ZNF254: variants seen among roughly 807,000 people sequenced by gnomAD.
The protein encoded by ZNF254 is zinc finger protein 254, also known as CTD-2017D11.1.
In ZNF254, 10 loss-of-function variants were observed where a neutral mutation model predicts 12.4. The observed-to-expected ratio is 0.80, with a 90% CI of 0.50 to 1.36. ZNF254 has a LOEUF of 1.36. Ranked by LOEUF, ZNF254 falls within the 40% of genes most tolerant of loss-of-function variation. The pLI is 0.00. For synonymous variants in ZNF254, 305 were observed against 253.4 expected, an observed-to-expected ratio of 1.20 and a Z score of -1.93; for missense variants, 996 against 763.9, an observed-to-expected ratio of 1.30 and a Z score of -3.58.
At position 24,087,262 on chromosome 19, in the gene ZNF254, C is replaced by T. The variant is rs1019710133; in HGVS notation, c.-46C>T. ...GTGTCCTCTGCTCCTAGAGGCCCAG[C>T]CTCTGTGGCGCTGTTACCAGCAGGT... On this transcript the variant is annotated 5_prime_UTR_variant, in exon 1 of 4. Coordinates refer to ENST00000357002, the MANE Select transcript of ZNF254 (RefSeq NM_203282.4). 1.2e-6 allele frequency: 2 copies of T among 1,612,132 alleles called. No individual in the cohort carries two copies. Among genetic ancestry groups the T allele is most frequent in the Non-Finnish European group, 8.5e-7 (1 of 1,178,862 alleles).
At chr19:24,055,765 A>G (rs1970829260) in intron 2 of ZNF254, among the ~76,000 whole-genome samples, 1 of 152,210 alleles carries the variant, frequency 6.6e-6, no homozygotes, top group Non-Finnish European at 1.5e-5. Flanking sequence ...CAGCATGCGT[A>G]TGAGGCTGTG....
intron 2 of ZNF254, among the ~76,000 whole-genome samples, chr19:24,053,100 T>G (rs146655338): frequency 1.3e-5 from 2 of 152,308 alleles, no homozygotes; most frequent in East Asian, 3.9e-4. Flanking sequence ...AGGTTCTGAA[T>G]CTCATACCCA....
intron 3 of ZNF254, among the ~76,000 whole-genome samples, chr19:24,123,878 C>T (rs2145985363): frequency 6.6e-6 from 1 of 152,094 alleles, no homozygotes; most frequent in East Asian, 1.9e-4. Flanking sequence ...TAGATTTCAA[C>T]TGACTCTTGT....
At chr19:24,115,834 C>T (rs542490976) in intron 3 of ZNF254, among the ~76,000 whole-genome samples, 44 of 152,168 alleles carry the variant, frequency 2.9e-4, no homozygotes, top group Middle Eastern at 3.4e-3. Flanking sequence ...TGGCTGGTAC[C>T]GGTTGTTCCT....
At chr19:24,095,968 A>G (rs1230166003) in intron 1 of ZNF254, among the ~76,000 whole-genome samples, 4 of 151,532 alleles carry the variant, frequency 2.6e-5, no homozygotes, top group Admixed American at 6.6e-5. Flanking sequence ...AGATCTTTCT[A>G]ACTTTTTAAT....
At chr19:24,054,101 C>T (rs1313200436) in intron 2 of ZNF254, among the ~76,000 whole-genome samples, 1 of 151,658 alleles carries the variant, frequency 6.6e-6, no homozygotes, top group Non-Finnish European at 1.5e-5. Context: ...TCTTCTGCCC[C>T]TGTCTTGCCC....
intron 3 of ZNF254, among the ~76,000 whole-genome samples, chr19:24,107,586 C>T (rs1973423609): frequency 6.6e-6 from 1 of 151,960 alleles, no homozygotes; most frequent in South Asian, 2.1e-4. Context: ...AATGTACTCT[C>T]TCTATATACA....
At chr19:24,036,230 A>T (rs926279239) in intron 1 of ZNF254, among the ~76,000 whole-genome samples, 1 of 146,878 alleles carries the variant, frequency 6.8e-6, no homozygotes. Flanking sequence ...GCTCGGCTAA[A>T]TTTTTTTTTT....
chr19:24,108,809 A>T (rs1896484376), intron 3 of ZNF254, among the ~76,000 whole-genome samples: 1 of 152,360 alleles, frequency 6.6e-6, no homozygotes, highest in South Asian at 2.1e-4. Context: ...ATATAATAGA[A>T]TATACATGTC....
upstream of ZNF254, among the ~76,000 whole-genome samples, chr19:24,086,116 A>G (rs1165361451): frequency 6.6e-6 from 1 of 151,840 alleles, no homozygotes; most frequent in African/African-American, 2.4e-5. Context: ...CTGAGGCAGG[A>G]GAATCGCTTG....
Position 24,126,266 on chromosome 19 carries a change from A to G in ZNF254, c.266A>G (p.His89Arg), listed in dbSNP as rs1323566774. Residue 89 changes from histidine (H) to arginine (R), a missense_variant, in exon 4 of 4, where the codon CAT becomes CGT. Transcript: ENST00000357002. ...ATTTTTTTTTCAGGTATGTGTCCTC[A>G]TTTTGCTCAAGACCTTTGGCCAGAG... ...MVDEPPGMCP[H>R]FAQDLWPEQG... is the part of the protein sequence containing the mutation. The G allele has an allele frequency of 1.3e-6, 2 of 1,486,304 alleles. No individual in the cohort carries two copies. The highest frequency in any genetic ancestry group is 2.3e-5 in the Admixed American group (1 of 42,920). 92.1% of individuals were successfully genotyped at this position (1,486,304 alleles called of 1,614,324 possible). A position where few individuals can be genotyped will look rare whatever the true frequency, so the allele number is the denominator to read the frequency against.
intron 3 of ZNF254, among the ~76,000 whole-genome samples, chr19:24,115,906 C>G (rs1974033428): frequency 2.0e-5 from 3 of 152,152 alleles, no homozygotes; most frequent in Admixed American, 2.0e-4. Context: ...GACAAAGTCT[C>G]TCAGCATTTG....
chr19:24,121,941 T>C (rs1351818665), intron 3 of ZNF254, among the ~76,000 whole-genome samples: 1 of 152,120 alleles, frequency 6.6e-6, no homozygotes, highest in Non-Finnish European at 1.5e-5. Flanking sequence ...AGATGAGTAG[T>C]TATAAAATTC....
chr19:24,037,672 T>C (rs1599562464), intron 1 of ZNF254, among the ~76,000 whole-genome samples: 1 of 151,610 alleles, frequency 6.6e-6, no homozygotes, highest in East Asian at 1.9e-4. Context: ...TGCAGTGGTG[T>C]GATCTCGGCT....
At chr19:24,115,323 C>G in intron 3 of ZNF254, among the ~76,000 whole-genome samples, 1 of 152,128 alleles carries the variant, frequency 6.6e-6, no homozygotes, top group African/African-American at 2.4e-5. Flanking sequence ...GGCACATATA[C>G]ACCATGGAAT....
chr19:24,064,262 C>T lies in ZNF254; in HGVS notation c.-94+17983C>T, dbSNP rs1971186717. ...GCTGAGCCCAGCTCCTAGGCTGTGT[C>T]TCTCCTTTCTAAGCCCTACCCACAA... On this transcript the variant is annotated intron_variant, in intron 2 of 4. Transcript: ENST00000613065. Among the ~76,000 whole-genome samples the T allele has an allele frequency of 2.0e-5, 3 of 152,254 alleles. No homozygotes were observed. The South Asian group carries it at 6.2e-4, about 32-fold the overall frequency.
intron 2 of ZNF254, chr19:24,080,814 C>T (rs10416640): frequency 0.15 from 21,782 of 144,910 alleles, 2,682 homozygotes; most frequent in African/African-American, 0.35. Flanking sequence ...AGATGAGTTG[C>T]GAGTTGCCTC....
chr19:24,055,232 A>AAAAAAAAAAAAAAAAAAAAAAAAAAG (rs1555753129), intron 2 of ZNF254, among the ~76,000 whole-genome samples: 9 of 122,542 alleles, frequency 7.3e-5, no homozygotes, highest in Non-Finnish European at 1.4e-4. Context: ...AAAAAAAAAA[A>AAAAAAAAAAAAAAAAAAAAAAAAAAG]GAGTGTACTA....
intron 1 of ZNF254, chr19:24,091,822 T>C (rs1327469891): frequency 2.0e-6 from 2 of 981,956 alleles, no homozygotes; most frequent in Non-Finnish European, 2.4e-6. Flanking sequence ...TTTTTGAGTT[T>C]AATGCTAAAT....
Sources: allele counts gnomAD v4.1 joint callset (sites outside exome capture counted in the v4.1 genomes callset), GRCh38; gene constraint gnomAD v4.1.1; transcripts MANE v1.5; gene names NCBI Gene and HGNC (gene_info 2026-07-23, HGNC 2026-07-21).